The following NEGR1 variants were observed in gnomAD, a reference collection of about 807,000 sequenced individuals.
NEGR1 encodes the protein IgLON family member 4.
NEGR1 carries 10 observed loss-of-function variants against 40.9 expected under a neutral mutation model. The ratio of observed to expected loss-of-function variants is 0.24; its 90% confidence interval spans 0.15 to 0.42. The LOEUF (loss-of-function observed/expected upper bound fraction) is 0.42. Ranked by LOEUF, NEGR1 falls within the 10% of genes least tolerant of loss-of-function variation. NEGR1 has a pLI of 1.00. For synonymous variants in NEGR1, 185 were observed against 166.8 expected (o/e 1.11, Z -0.84); for missense variants, 352 against 438.9 (o/e 0.80, Z 1.77).
In NEGR1 at chr1:71,656,284, GC is replaced by G. The variant is rs1651871514; in HGVS notation, c.667+41723del. Among the ~76,000 whole-genome samples, 8 of 152,260 alleles carry G rather than the reference GC, an allele frequency of 5.3e-5. No homozygotes were observed. In the South Asian group the frequency reaches 1.7e-3, roughly 32 times the overall value. ...GTTAGAAGGAAAGACAGTTCTGATGGCCCCTATTCTCCTTCTAACAGGAAAG... is the reference window on the plus strand; with the variant it reads ...GTTAGAAGGAAAGACAGTTCTGATGGCCCTATTCTCCTTCTAACAGGAAAG... On this transcript the variant is annotated intron_variant, in intron 4 of 6. Transcript: ENST00000357731.
intron 1 of NEGR1, among the ~76,000 whole-genome samples, chr1:72,240,901 T>A (rs1026926743): frequency 6.6e-6 from 1 of 151,762 alleles, no homozygotes; most frequent in African/African-American, 2.4e-5. Context: ...AGCCTCCTTC[T>A]GATTTCTTAT....
At chr1:72,274,422 G>T in intron 1 of NEGR1, 1 of 500,444 alleles carries the variant, frequency 2.0e-6, no homozygotes, top group South Asian at 2.4e-5. Flanking sequence ...TGAACCTCAA[G>T]AGGACAGATG....
At position 71,984,661 on chromosome 1, in the gene NEGR1, G is replaced by C. The variant is rs117097637; in HGVS notation, c.177-49350C>G. ...AAGTCTTATCTCATATAGTTGTAGT[G>C]AGAAATAATTTTTAAAATTTGTGTA... is the stretch of plus-strand genomic sequence containing the variant. On this transcript the variant is annotated intron_variant, in intron 1 of 6. Coordinates refer to ENST00000357731, the MANE Select transcript of NEGR1 (RefSeq NM_173808.3). Among the ~76,000 whole-genome samples, 108 of 152,164 alleles carry C rather than the reference G, an allele frequency of 7.1e-4. 2 individuals are homozygous for C. The East Asian group carries it at 0.018, about 25-fold the overall frequency.
rs1352553348 is a variant in NEGR1 at position 71,928,996 on chromosome 1, T to C, written c.409+6083A>G. Among the ~76,000 whole-genome samples, 6 of 152,240 alleles carry C rather than the reference T, an allele frequency of 3.9e-5. No individual in the cohort carries two copies. The East Asian group carries it at 5.8e-4, about 15-fold the overall frequency. Reference sequence around the variant, plus strand: ...TGCAAAGGGAATAAGAATGAGTATGTATACCCCTATCCATGTAACATTTAT... The same window carrying C: ...TGCAAAGGGAATAAGAATGAGTATGCATACCCCTATCCATGTAACATTTAT... On this transcript the variant is annotated intron_variant, in intron 2 of 6. Coordinates refer to ENST00000357731, the MANE Select transcript of NEGR1 (RefSeq NM_173808.3).
chr1:71,677,327 C>T (rs1289896748), intron 4 of NEGR1, among the ~76,000 whole-genome samples: 1 of 152,074 alleles, frequency 6.6e-6, no homozygotes, highest in Non-Finnish European at 1.5e-5. Flanking sequence ...TTACTGCATG[C>T]TTCTTAATGA....
At chr1:71,777,486 A>G (rs1656553184) in intron 2 of NEGR1, among the ~76,000 whole-genome samples, 1 of 152,124 alleles carries the variant, frequency 6.6e-6, no homozygotes, top group Non-Finnish European at 1.5e-5. Flanking sequence ...TGACTGACCT[A>G]TGCCATAAAT....
intron 1 of NEGR1, among the ~76,000 whole-genome samples, chr1:72,110,239 AAAAG>A (rs1240493521): frequency 1.3e-5 from 2 of 150,896 alleles, no homozygotes; most frequent in African/African-American, 4.9e-5. Flanking sequence ...AAAAAAAAAA[AAAAG>A]AATTGTGTGT....
intron 1 of NEGR1, among the ~76,000 whole-genome samples, chr1:72,167,264 A>G (rs1011925186): frequency 3.9e-5 from 6 of 152,116 alleles, no homozygotes; most frequent in Admixed American, 3.3e-4. Context: ...GATTTCCTTA[A>G]GCTTACCTCT....
chr1:72,226,512 T>A (rs1360669169), intron 1 of NEGR1, among the ~76,000 whole-genome samples: 1 of 152,028 alleles, frequency 6.6e-6, no homozygotes, highest in East Asian at 1.9e-4. Context: ...ATGGCAAATA[T>A]TATAGCCTTC....
chr1:71,959,144 G>T (rs371233667), intron 1 of NEGR1, among the ~76,000 whole-genome samples: 4 of 152,100 alleles, frequency 2.6e-5, no homozygotes, highest in African/African-American at 9.7e-5. Context: ...CCCCTTGGAT[G>T]ATCTAATTTA....
chr1:71,944,541 A>T (rs1370178577), intron 1 of NEGR1, among the ~76,000 whole-genome samples: 1 of 152,218 alleles, frequency 6.6e-6, no homozygotes, highest in Admixed American at 6.6e-5. Flanking sequence ...CTATTTGCAT[A>T]TATTAATAAA....
At chr1:71,971,163 G>C (rs912857903) in intron 1 of NEGR1, among the ~76,000 whole-genome samples, 1 of 152,226 alleles carries the variant, frequency 6.6e-6, no homozygotes, top group Non-Finnish European at 1.5e-5. Flanking sequence ...GAAGCCACCA[G>C]AACCTGGAAG....
chr1:71,849,802 G>A (rs1046363280), intron 2 of NEGR1, among the ~76,000 whole-genome samples: 22 of 152,112 alleles, frequency 1.4e-4, no homozygotes, highest in African/African-American at 4.3e-4. Flanking sequence ...ATGAAGGCTC[G>A]GATGATTCTT....
chr1:72,179,797 TA>T (rs957953976), intron 1 of NEGR1, among the ~76,000 whole-genome samples: 2 of 151,330 alleles, frequency 1.3e-5, no homozygotes, highest in African/African-American at 4.9e-5. Flanking sequence ...AACAATAGCT[TA>T]AAAAAAACCC....
At chr1:71,804,186 A>T (rs987057943) in intron 2 of NEGR1, among the ~76,000 whole-genome samples, 28 of 152,184 alleles carry the variant, frequency 1.8e-4, no homozygotes, top group Non-Finnish European at 3.5e-4. Context: ...GATGATTGCT[A>T]GGAATATGAC....
chr1:71,973,916 TTTTTC>T (rs898104332), intron 1 of NEGR1, among the ~76,000 whole-genome samples: 9 of 152,336 alleles, frequency 5.9e-5, no homozygotes, highest in African/African-American at 2.2e-4. Context: ...TTATTTTTCT[TTTTTC>T]TTTTCTTTTC....
intron 2 of NEGR1, among the ~76,000 whole-genome samples, chr1:71,822,602 G>A (rs1417392688): frequency 6.6e-6 from 1 of 151,962 alleles, no homozygotes; most frequent in Non-Finnish European, 1.5e-5. Flanking sequence ...ATCATTGCTT[G>A]AGGAGACTGG....
chr1:71,973,938 A>G (rs1472826112), intron 1 of NEGR1, among the ~76,000 whole-genome samples: 1 of 151,330 alleles, frequency 6.6e-6, no homozygotes, highest in Non-Finnish European at 1.5e-5. Context: ...TTTCTTTAGC[A>G]CCTTAGGAGT....
intron 4 of NEGR1, among the ~76,000 whole-genome samples, chr1:71,629,189 G>T (rs1363802203): frequency 4.0e-5 from 6 of 151,540 alleles, no homozygotes; most frequent in Admixed American, 3.3e-4. Flanking sequence ...TCATATGTTT[G>T]TTGGCCACGT....
Sources: gnomAD v4.1 joint callset for allele counts (sites outside exome capture counted in the v4.1 genomes callset) on GRCh38, gnomAD v4.1.1 for gene constraint, MANE v1.5 for transcripts, NCBI Gene and HGNC (gene_info 2026-07-23, HGNC 2026-07-21) for gene names.